LINGO2: variants seen among roughly 807,000 people sequenced by gnomAD.
The protein encoded by LINGO2 is leucine-rich repeat and immunoglobulin-like domain-containing nogo receptor-interacting protein 2.
In LINGO2, 14 loss-of-function variants were observed where a neutral mutation model predicts 30.6. The observed-to-expected ratio is 0.46, with a 90% CI of 0.30 to 0.72. The LOEUF is 0.72. Ranked by LOEUF, LINGO2 falls within the 30% of genes least tolerant of loss-of-function variation. The pLI, the probability that LINGO2 is intolerant of heterozygous loss-of-function variation, is 0.07. For synonymous variants in LINGO2, 317 were observed against 288.5 expected, an observed-to-expected ratio of 1.10 and a Z score of -1.00; for missense variants, 729 against 751.7, an observed-to-expected ratio of 0.97 and a Z score of 0.35.
In LINGO2 at chr9:28,635,397, A is replaced by T. The variant is rs117093790; in HGVS notation, c.-365+34803T>A. On this transcript the variant is annotated intron_variant, in intron 1 of 5. Coordinates refer to ENST00000379992, the Ensembl canonical transcript of LINGO2. Reference sequence around the variant, plus strand: ...AAATTTAATGATGGGTGGTATCATGATGACAGTAGTAAAAGTTAGCTTAAC... The same window carrying T: ...AAATTTAATGATGGGTGGTATCATGTTGACAGTAGTAAAAGTTAGCTTAAC... Among the ~76,000 whole-genome samples, 1,252 of 152,332 alleles carry T rather than the reference A, an allele frequency of 8.2e-3. 27 individuals carry two copies. Among genetic ancestry groups the T allele is most frequent in the East Asian group, 0.036 (187 of 5,186 alleles).
At chr9:27,960,614 C>CTTTTT (rs540319420) in intron 5 of LINGO2, among the ~76,000 whole-genome samples, 5 of 122,316 alleles carry the variant, frequency 4.1e-5, no homozygotes, top group Admixed American at 8.2e-5. Flanking sequence ...TGTGGTATAT[C>CTTTTT]TTTTTTTTTT....
At chr9:28,544,446 T>C (rs1387653259) in intron 1 of LINGO2, among the ~76,000 whole-genome samples, 2 of 152,060 alleles carry the variant, frequency 1.3e-5, no homozygotes, top group African/African-American at 4.8e-5. Context: ...CACTGACTGA[T>C]ATACCAGGTA....
At chr9:29,134,585 GA>G in the LINGO2 span, among the ~76,000 whole-genome samples, 1 of 151,990 alleles carries the variant, frequency 6.6e-6, no homozygotes, top group Non-Finnish European at 1.5e-5. Context: ...TCGATGAACT[GA>G]CAGACACATT....
Position 28,530,667 on chromosome 9 carries a change from A to G in LINGO2, c.-364-54642T>C, listed in dbSNP as rs540420705. 2.6e-5 allele frequency among the ~76,000 whole-genome samples: 4 copies of G among 152,300 alleles called. No homozygotes were observed. In the South Asian group the frequency reaches 8.3e-4, roughly 32 times the overall value. On this transcript the variant is annotated intron_variant, in intron 1 of 5. Transcript: ENST00000379992. ...ATGATAGGGCTTAATATTGTTTTCA[A>G]TCACTAAAATAAAAATCAATAACAT...
the LINGO2 span, among the ~76,000 whole-genome samples, chr9:29,003,754 C>A: frequency 2.6e-5 from 4 of 151,974 alleles, no homozygotes; most frequent in African/African-American, 9.7e-5. Context: ...TTGTCTTAAT[C>A]TCTTTTCTAG....
rs1823978416 is a variant in LINGO2, at chr9:28,037,182, T to TA, written c.-86-24778dup. On this transcript the variant is annotated intron_variant, in intron 4 of 5. Coordinates refer to ENST00000379992, the Ensembl canonical transcript of LINGO2. Reference sequence around the variant, plus strand: ...TAACCACATAATCACAACCTGTGTCTACTCCAGGTACGGAGACAACTCTGA... The same window carrying TA: ...TAACCACATAATCACAACCTGTGTCTAACTCCAGGTACGGAGACAACTCTGA... 3.9e-5 allele frequency among the ~76,000 whole-genome samples: 6 copies of TA among 152,336 alleles called. No individual in the cohort carries two copies. In the South Asian group the frequency reaches 1.2e-3, roughly 32 times the overall value.
intron 1 of LINGO2, among the ~76,000 whole-genome samples, chr9:28,641,890 G>A (rs987073211): frequency 1.3e-5 from 2 of 152,158 alleles, no homozygotes; most frequent in South Asian, 2.1e-4. Context: ...TGGAGGGGCT[G>A]TGGAGATCTT....
intron 3 of LINGO2, among the ~76,000 whole-genome samples, chr9:28,310,767 A>T (rs1824583427): frequency 6.6e-6 from 1 of 152,202 alleles, no homozygotes. Context: ...AACAAATGGG[A>T]TATAAGTATA....
chr9:28,034,766 G>A (rs1823851447), intron 4 of LINGO2, among the ~76,000 whole-genome samples: 1 of 152,158 alleles, frequency 6.6e-6, no homozygotes, highest in Non-Finnish European at 1.5e-5. Flanking sequence ...AATTATATGT[G>A]AAATGTATTT....
At chr9:28,474,902 A>T (rs1825669324) in intron 2 of LINGO2, among the ~76,000 whole-genome samples, 1 of 152,206 alleles carries the variant, frequency 6.6e-6, no homozygotes, top group Admixed American at 6.5e-5. Flanking sequence ...TTTTGTTTGT[A>T]GAATGATAAT....
At chr9:28,238,743 A>G (rs191562648) in intron 4 of LINGO2, among the ~76,000 whole-genome samples, 3 of 152,238 alleles carry the variant, frequency 2.0e-5, no homozygotes, top group Admixed American at 6.5e-5. Flanking sequence ...GAACTAGAAA[A>G]TCAAGAGCAA....
At chr9:28,995,553 G>A in the LINGO2 span, among the ~76,000 whole-genome samples, 80 of 152,058 alleles carry the variant, frequency 5.3e-4, no homozygotes, top group African/African-American at 1.6e-3. Context: ...TCATGCTGCT[G>A]TAAAGACACA....
At chr9:28,516,807 G>A (rs1417803066) in intron 1 of LINGO2, among the ~76,000 whole-genome samples, 2 of 152,066 alleles carry the variant, frequency 1.3e-5, no homozygotes, top group African/African-American at 4.8e-5. Context: ...ATCTAGAATT[G>A]GGATCAGATG....
chr9:29,043,066 C>T, the LINGO2 span, among the ~76,000 whole-genome samples: 1 of 151,510 alleles, frequency 6.6e-6, no homozygotes, highest in Non-Finnish European at 1.5e-5. Flanking sequence ...TGTAAATCTA[C>T]AATAATCTCA....
At chr9:28,796,087 A>AC in the LINGO2 span, among the ~76,000 whole-genome samples, 2 of 143,106 alleles carry the variant, frequency 1.4e-5, no homozygotes, top group East Asian at 4.9e-4. Flanking sequence ...TAAATAGTGC[A>AC]CAAAAAAAAA....
the LINGO2 span, among the ~76,000 whole-genome samples, chr9:28,920,412 T>C: frequency 3.3e-5 from 5 of 152,136 alleles, no homozygotes; most frequent in African/African-American, 1.2e-4. Context: ...CTTGTATCCT[T>C]TGTTCACAAA....
At chr9:28,675,001 T>A (rs1829163802), upstream of LINGO2, among the ~76,000 whole-genome samples, 1 of 152,200 alleles carries the variant, frequency 6.6e-6, no homozygotes, top group Admixed American at 6.5e-5. Flanking sequence ...TTGTTATATG[T>A]AATCTGCATC....
chr9:27,959,344 A>G (rs1819727003), intron 5 of LINGO2, among the ~76,000 whole-genome samples: 2 of 152,066 alleles, frequency 1.3e-5, no homozygotes, highest in Non-Finnish European at 2.9e-5. Flanking sequence ...GCTTCCTAAG[A>G]TTAGATCATT....
the LINGO2 span, among the ~76,000 whole-genome samples, chr9:29,205,663 G>C: frequency 3.3e-5 from 5 of 152,068 alleles, no homozygotes; most frequent in African/African-American, 1.2e-4. Context: ...TATTAGTAAG[G>C]TCATCTGCGC....
Sources: allele counts gnomAD v4.1 joint callset (sites outside exome capture counted in the v4.1 genomes callset), GRCh38; gene constraint gnomAD v4.1.1; transcripts MANE v1.5; gene names NCBI Gene and HGNC (gene_info 2026-07-23, HGNC 2026-07-21).